LRRFIP2: variants seen among roughly 807,000 people sequenced by gnomAD.
LRRFIP2 encodes the protein leucine-rich repeat flightless-interacting protein 2.
Under a neutral mutation model 125.9 loss-of-function variants are expected in LRRFIP2, and 109 were observed. The ratio of observed to expected loss-of-function variants is 0.87; its 90% CI spans 0.74 to 1.01. The LOEUF (loss-of-function observed/expected upper bound fraction) is 1.01, where lower values mean the gene tolerates loss of function less well. Ranked by LOEUF, LRRFIP2 falls within the 50% of genes least tolerant of loss-of-function variation. The pLI, the probability that LRRFIP2 is intolerant of heterozygous loss-of-function variation, is 0.00. For missense variants in LRRFIP2, 850 were observed against 862.3 expected (o/e 0.99, Z 0.18); for synonymous variants, 291 against 293.1 (o/e 0.99, Z 0.07).
intron 2 of LRRFIP2, among the ~76,000 whole-genome samples, chr3:37,139,297 G>A (rs1203423139): frequency 1.3e-5 from 2 of 152,082 alleles, no homozygotes; most frequent in African/African-American, 4.8e-5. Context: ...AAAACAAAAT[G>A]GGTACCAATC....
intron 23 of LRRFIP2, chr3:37,065,423 C>T (rs1020368176): frequency 2.7e-6 from 1 of 376,294 alleles, no homozygotes; most frequent in African/African-American, 2.1e-5. Context: ...AGCAGTGGAA[C>T]ATAAAACCAG....
intron 2 of LRRFIP2, among the ~76,000 whole-genome samples, chr3:37,139,179 T>C (rs959505018): frequency 2.0e-5 from 3 of 152,286 alleles, no homozygotes; most frequent in African/African-American, 7.2e-5. Context: ...TTTCTGAAAT[T>C]TTCCATTTAA....
At chr3:37,068,190 G>A (rs533444656) in intron 21 of LRRFIP2, 7 of 152,278 alleles carry the variant, frequency 4.6e-5, no homozygotes, top group Admixed American at 4.6e-4. Flanking sequence ...CATGTGTTGA[G>A]TGTCACTTTA....
At chr3:37,137,816 C>G (rs2095596210) in intron 2 of LRRFIP2, among the ~76,000 whole-genome samples, 1 of 152,174 alleles carries the variant, frequency 6.6e-6, no homozygotes, top group Admixed American at 6.5e-5. Flanking sequence ...CTCATTTTCC[C>G]CCAGTCAACA....
intron 2 of LRRFIP2, among the ~76,000 whole-genome samples, chr3:37,130,346 T>C (rs1347586639): frequency 1.3e-5 from 2 of 152,238 alleles, no homozygotes; most frequent in African/African-American, 2.4e-5. Flanking sequence ...AAATGTATTA[T>C]TTCTGATCAC....
intron 2 of LRRFIP2, among the ~76,000 whole-genome samples, chr3:37,133,828 C>T (rs1004821373): frequency 2.0e-5 from 3 of 152,036 alleles, no homozygotes; most frequent in Non-Finnish European, 4.4e-5. Context: ...AAGAAGTTGG[C>T]TAATTTAAAA....
chr3:37,109,599 C>CA (rs1449999922), intron 10 of LRRFIP2, 28 bp from the exon 11 acceptor site: 3 of 1,613,528 alleles, frequency 1.9e-6, no homozygotes, highest in African/African-American at 1.3e-5. Context: ...TATTAAACCC[C>CA]AAAAAAAGCA....
intron 15 of LRRFIP2, among the ~76,000 whole-genome samples, chr3:37,102,118 A>T (rs555659873): frequency 1.3e-5 from 2 of 152,332 alleles, no homozygotes; most frequent in East Asian, 3.8e-4. Context: ...AAAGGAAAAT[A>T]CTTTTTTTAA....
chr3:37,082,968 A>G (rs992231878), intron 19 of LRRFIP2, among the ~76,000 whole-genome samples: 3 of 152,290 alleles, frequency 2.0e-5, no homozygotes, highest in African/African-American at 7.2e-5. Context: ...ATTTCTGGCA[A>G]TAATACCCAT....
In LRRFIP2 at chr3:37,058,829, G is replaced by T; in HGVS notation, c.1831C>A (p.Leu611Met). Residue 611 changes from leucine to methionine, a missense_variant, in exon 25 of 28, where the codon CTG becomes ATG. Physicochemically the swap from Leu to Met is conservative, Grantham distance 15. Transcript: ENST00000336686. ...NDGTVGDLAG[L>M]QNGSDLQFIE... is the part of the protein sequence containing the mutation. ...AACTGCAAGTCTGAGCCATTCTGCA[G>T]TCCTGCCAGGTCACCCACTGTGCCA... The T allele has an allele frequency of 6.2e-7, 1 of 1,614,122 alleles. No homozygotes were observed. The highest frequency in any genetic ancestry group is 8.5e-7 in the Non-Finnish European group (1 of 1,179,998).
At chr3:37,142,730 G>A (rs568597808) in intron 2 of LRRFIP2, among the ~76,000 whole-genome samples, 40 of 152,236 alleles carry the variant, frequency 2.6e-4, no homozygotes, top group African/African-American at 9.6e-4. Context: ...AACACATCAT[G>A]AGCATCACTT....
At chr3:37,126,772 T>C (rs903231939) in intron 4 of LRRFIP2, among the ~76,000 whole-genome samples, 9 of 151,322 alleles carry the variant, frequency 5.9e-5, no homozygotes, top group African/African-American at 2.2e-4. Context: ...GGCAGGAGAA[T>C]CGCTTGAACC....
intron 1 of LRRFIP2, among the ~76,000 whole-genome samples, chr3:37,158,719 G>GT (rs2096262662): frequency 6.6e-6 from 1 of 151,902 alleles, no homozygotes; most frequent in South Asian, 2.1e-4. Flanking sequence ...GAAACAAAAA[G>GT]TAAGGGAAAT....
At position 37,066,254 on chromosome 3, in the gene LRRFIP2, A is replaced by G. The variant is rs768714232; in HGVS notation, c.1536T>C (p.Ala512=). Residue 512 remains alanine (A), a synonymous_variant, in exon 22 of 28, where the codon GCT becomes GCC. Transcript: ENST00000336686. ...CCGTCTTCACTGTCTCCTGCAGGTC[A>G]GCCAGCTCCTCTCTGAGCATATCTC... The part of the protein sequence containing the change: ...NERDMLREEL[A]DLQETVKTGE... 126 of 1,614,064 alleles carry G rather than the reference A, an allele frequency of 7.8e-5. 1 individual carries two copies. Among genetic ancestry groups the G allele is most frequent in the Non-Finnish European group, 8.1e-5 (95 of 1,179,990 alleles).
intron 15 of LRRFIP2, among the ~76,000 whole-genome samples, chr3:37,097,160 G>A (rs956619396): frequency 6.6e-6 from 1 of 150,392 alleles, no homozygotes. Context: ...CCCACATCAA[G>A]GATTTTTTGT....
chr3:37,107,333 A>G (rs1329423525), intron 13 of LRRFIP2, among the ~76,000 whole-genome samples: 13 of 152,220 alleles, frequency 8.5e-5, no homozygotes, highest in Non-Finnish European at 1.5e-4. Context: ...CTTGTTTAAA[A>G]TTTTTATCAA....
chr3:37,155,655 A>G (rs1288078558), intron 1 of LRRFIP2, among the ~76,000 whole-genome samples: 1 of 152,180 alleles, frequency 6.6e-6, no homozygotes, highest in Admixed American at 6.5e-5. Flanking sequence ...TATTTAAAAT[A>G]TTTGCATATT....
chr3:37,058,527 T>A (rs893206174), intron 25 of LRRFIP2, among the ~76,000 whole-genome samples: 2 of 151,928 alleles, frequency 1.3e-5, no homozygotes, highest in Non-Finnish European at 2.9e-5. Flanking sequence ...CATAAAAAAC[T>A]AGCCGGGCAT....
At chr3:37,069,331 A>G (rs1343909736) in intron 21 of LRRFIP2, among the ~76,000 whole-genome samples, 1 of 152,254 alleles carries the variant, frequency 6.6e-6, no homozygotes, top group Non-Finnish European at 1.5e-5. Context: ...CAAAAGGTAG[A>G]TGTGTTGATA....
Sources: gnomAD v4.1 joint callset for allele counts (sites outside exome capture counted in the v4.1 genomes callset) on GRCh38, gnomAD v4.1.1 for gene constraint, MANE v1.5 for transcripts, NCBI Gene and HGNC (gene_info 2026-07-23, HGNC 2026-07-21) for gene names.